Variants in ZCCHC7 observed in about 807,000 individuals in gnomAD.
ZCCHC7 encodes the protein zinc finger CCHC-type containing 7.
ZCCHC7 carries 35 observed loss-of-function variants against 52.0 expected under a neutral mutation model. The observed-to-expected ratio is 0.67, with a 90% CI of 0.51 to 0.89. ZCCHC7 has a LOEUF of 0.89. Among genes scored for constraint, ZCCHC7 ranks in the 40% least tolerant of loss-of-function variants. The pLI, the probability that ZCCHC7 is intolerant of heterozygous loss-of-function variation, is 0.00. For missense variants in ZCCHC7, 574 were observed against 649.1 expected (o/e 0.88, Z 1.26); for synonymous variants, 217 against 221.5 (o/e 0.98, Z 0.18).
At chr9:37,349,300 A>G (rs1255462266) in intron 6 of ZCCHC7, 57 bp from the exon 7 acceptor site, 1 of 1,561,888 alleles carries the variant, frequency 6.4e-7, no homozygotes, top group Admixed American at 1.7e-5. Flanking sequence ...TTTGGAAAGA[A>G]TGAGGTTTTA....
At chr9:37,194,333 C>T (rs948434014) in intron 2 of ZCCHC7, among the ~76,000 whole-genome samples, 4 of 152,022 alleles carry the variant, frequency 2.6e-5, no homozygotes, top group African/African-American at 4.8e-5. Flanking sequence ...ACTTACATAT[C>T]GTAAGTGGTA....
At position 37,357,200 on chromosome 9, in the gene ZCCHC7, G is replaced by A. The variant is rs1483703129; in HGVS notation, c.1564G>A (p.Glu522Lys). Residue 522 changes from glutamate (E) to lysine (K), a missense_variant, in exon 9 of 9, where the codon GAG becomes AAG. Glu to Lys is a moderately conservative substitution (Grantham distance 56, BLOSUM62 1). Transcript: ENST00000336755. The stretch of plus-strand genomic sequence containing the variant: ...CAAGAGGGGCAAGCAGAAGAAAAAG[G>A]AGAGGTGCTGGGAAGATGATGACAA... The part of the protein sequence containing the change: ...EGKRGKQKKK[E>K]RCWEDDDNDN... 3 of 1,613,426 alleles carry A rather than the reference G, an allele frequency of 1.9e-6. No homozygotes were observed. Among genetic ancestry groups the A allele is most frequent in the African/African-American group, 1.3e-5 (1 of 74,862 alleles).
chr9:37,121,967 C>T (rs952634874), intron 1 of ZCCHC7, among the ~76,000 whole-genome samples: 1 of 152,180 alleles, frequency 6.6e-6, no homozygotes, highest in African/African-American at 2.4e-5. Context: ...TTTCAACTGT[C>T]CTGTCAGGGC....
intron 2 of ZCCHC7, among the ~76,000 whole-genome samples, chr9:37,292,058 A>G (rs1250264972): frequency 1.3e-5 from 2 of 152,202 alleles, no homozygotes; most frequent in African/African-American, 4.8e-5. Flanking sequence ...TTTTAAACAG[A>G]TGTAATCTAG....
intron 2 of ZCCHC7, among the ~76,000 whole-genome samples, chr9:37,165,878 A>G (rs1004881957): frequency 2.4e-4 from 36 of 152,254 alleles, no homozygotes; most frequent in African/African-American, 8.4e-4. Context: ...AGATTCATCA[A>G]ATTAGTCTTC....
At chr9:37,210,362 T>G (rs1170038622) in intron 2 of ZCCHC7, among the ~76,000 whole-genome samples, 1 of 152,230 alleles carries the variant, frequency 6.6e-6, no homozygotes, top group Non-Finnish European at 1.5e-5. Context: ...TAACCACATC[T>G]ATGAACATTT....
intron 2 of ZCCHC7, among the ~76,000 whole-genome samples, chr9:37,199,691 T>C (rs1377517853): frequency 2.9e-5 from 2 of 68,040 alleles, no homozygotes; most frequent in Non-Finnish European, 7.2e-5. Flanking sequence ...TGTCTGTCTT[T>C]CTGTCTGTCT....
At chr9:37,294,056 A>C (rs1196921228) in intron 2 of ZCCHC7, among the ~76,000 whole-genome samples, 1 of 152,214 alleles carries the variant, frequency 6.6e-6, no homozygotes, top group Non-Finnish European at 1.5e-5. Flanking sequence ...TATTTAAACT[A>C]TTGCCACTTA....
intron 2 of ZCCHC7, among the ~76,000 whole-genome samples, chr9:37,283,096 T>C (rs1228234984): frequency 6.6e-6 from 1 of 152,062 alleles, no homozygotes; most frequent in East Asian, 1.9e-4. Context: ...TACCCGTGTG[T>C]GCTCTTGATA....
intron 1 of ZCCHC7, among the ~76,000 whole-genome samples, chr9:37,124,673 G>A (rs1267944565): frequency 6.6e-6 from 1 of 152,188 alleles, no homozygotes; most frequent in Non-Finnish European, 1.5e-5. Flanking sequence ...CTGGTTGCAA[G>A]TGATTTTGAG....
At chr9:37,292,342 A>C (rs544631076) in intron 2 of ZCCHC7, among the ~76,000 whole-genome samples, 1 of 152,354 alleles carries the variant, frequency 6.6e-6, no homozygotes, top group East Asian at 1.9e-4. Context: ...AAGATGACTA[A>C]ACTTGGAGAG....
intron 2 of ZCCHC7, among the ~76,000 whole-genome samples, chr9:37,127,898 G>T (rs1309652124): frequency 3.3e-5 from 5 of 152,110 alleles, no homozygotes; most frequent in Non-Finnish European, 7.3e-5. Context: ...TACTCAACTT[G>T]GCCCTTGTGG....
intron 5 of ZCCHC7, among the ~76,000 whole-genome samples, chr9:37,312,379 C>G (rs1400717359): frequency 1.3e-5 from 2 of 152,136 alleles, no homozygotes; most frequent in Non-Finnish European, 2.9e-5. Flanking sequence ...AAAACATGAT[C>G]CCTGCCCTTG....
chr9:37,120,376 G>A (rs1234339947), upstream of ZCCHC7, among the ~76,000 whole-genome samples: 2 of 152,240 alleles, frequency 1.3e-5, no homozygotes, highest in African/African-American at 4.8e-5. Flanking sequence ...AAGGGGGAAA[G>A]CAAGGAAGGC....
chr9:37,355,433 G>A (rs1821636319), intron 8 of ZCCHC7, among the ~76,000 whole-genome samples: 1 of 152,060 alleles, frequency 6.6e-6, no homozygotes, highest in African/African-American at 2.4e-5. Context: ...AAACAGTTCT[G>A]TATTTTTTTA....
At chr9:37,171,531 C>T (rs943169859) in intron 2 of ZCCHC7, among the ~76,000 whole-genome samples, 2 of 152,120 alleles carry the variant, frequency 1.3e-5, no homozygotes, top group Non-Finnish European at 2.9e-5. Context: ...AATCCTCCTC[C>T]CTCAGCCTCC....
At chr9:37,205,797 T>C (rs1823874876) in intron 2 of ZCCHC7, among the ~76,000 whole-genome samples, 1 of 152,206 alleles carries the variant, frequency 6.6e-6, no homozygotes, top group African/African-American at 2.4e-5. Flanking sequence ...ATTACAGGCA[T>C]CAGCCACCTT....
At chr9:37,256,265 A>G (rs898020423) in intron 2 of ZCCHC7, among the ~76,000 whole-genome samples, 1 of 152,106 alleles carries the variant, frequency 6.6e-6, no homozygotes, top group Non-Finnish European at 1.5e-5. Flanking sequence ...TTCTTTATAT[A>G]CTAGCCAACA....
chr9:37,256,793 A>G (rs1283125605), intron 2 of ZCCHC7, among the ~76,000 whole-genome samples: 1 of 152,206 alleles, frequency 6.6e-6, no homozygotes, highest in Non-Finnish European at 1.5e-5. Flanking sequence ...AACTTTTAGG[A>G]AACTATCACC....
Sources: allele counts gnomAD v4.1 joint callset (sites outside exome capture counted in the v4.1 genomes callset), GRCh38; gene constraint gnomAD v4.1.1; transcripts MANE v1.5; gene names NCBI Gene and HGNC (gene_info 2026-07-23, HGNC 2026-07-21).